SHANK2: variants seen among roughly 807,000 people sequenced by gnomAD.
SHANK2 encodes SH3 and multiple ankyrin repeat domains protein 2.
Under a neutral mutation model 133.7 loss-of-function variants are expected in SHANK2, and 43 were observed. That is an observed-to-expected ratio of 0.32 (90% CI 0.25 to 0.41). The LOEUF (loss-of-function observed/expected upper bound fraction) is 0.41, where lower values mean the gene tolerates loss of function less well. Ranked by LOEUF, SHANK2 falls within the 10% of genes least tolerant of loss-of-function variation. The pLI is 1.00. For synonymous variants in SHANK2, 1,017 were observed against 952.8 expected (o/e 1.07, Z -1.24); for missense variants, 1,994 against 2,235.8 (o/e 0.89, Z 2.18).
intron 15 of SHANK2, among the ~76,000 whole-genome samples, chr11:70,675,238 A>G (rs1555016941): frequency 6.6e-6 from 1 of 152,226 alleles, no homozygotes. Context: ...CTTAATGAGT[A>G]ATAATTCATA....
intron 17 of SHANK2, among the ~76,000 whole-genome samples, chr11:70,558,536 T>C (rs548780673): frequency 3.6e-4 from 55 of 152,302 alleles, no homozygotes; most frequent in African/African-American, 1.3e-3. Flanking sequence ...CTTAGACAAG[T>C]GGCTTACCTC....
At chr11:71,242,471 C>T (rs1954907423) in intron 1 of SHANK2, among the ~76,000 whole-genome samples, 1 of 152,184 alleles carries the variant, frequency 6.6e-6, no homozygotes, top group Admixed American at 6.5e-5. Context: ...TCCTGTATCA[C>T]ACACCGCTTC....
chr11:70,647,375 AC>A (rs1453359722), intron 17 of SHANK2: 1 of 152,030 alleles, frequency 6.6e-6, no homozygotes, highest in Non-Finnish European at 1.5e-5. Flanking sequence ...GTTGGGCAAG[AC>A]CCCGCCTCCC....
Position 71,111,584 on chromosome 11 carries a change from C to T in SHANK2, c.484-1535G>A, listed in dbSNP as rs558224480. Among the ~76,000 whole-genome samples, 6 of 152,284 alleles carry T rather than the reference C, an allele frequency of 3.9e-5. No individual in the cohort carries two copies. In the East Asian group the frequency reaches 9.6e-4, roughly 24 times the overall value. On this transcript the variant is annotated intron_variant, in intron 5 of 25. Transcript: ENST00000601538. ...CTCCTCACCAGCCTAATTCTTTGCCCCTACTCCGTACCTCTCTCAAAACAC... is the reference window on the plus strand; with the variant it reads ...CTCCTCACCAGCCTAATTCTTTGCCTCTACTCCGTACCTCTCTCAAAACAC...
At chr11:70,665,040 G>A (rs1436268975) in intron 15 of SHANK2, among the ~76,000 whole-genome samples, 7 of 152,146 alleles carry the variant, frequency 4.6e-5, no homozygotes, top group African/African-American at 9.7e-5. Flanking sequence ...GTCTGCACAC[G>A]CCACCCTCTC....
At chr11:70,829,828 C>T (rs185145125) in intron 11 of SHANK2, among the ~76,000 whole-genome samples, 12 of 152,310 alleles carry the variant, frequency 7.9e-5, no homozygotes, top group South Asian at 2.1e-4. Flanking sequence ...ACTGAGTGCC[C>T]GGTCCTGGGC....
rs1420221179 is a variant in SHANK2, at chr11:70,697,138, GCAGA to G, written c.1853+1546_1853+1549del. Among the ~76,000 whole-genome samples the G allele has an allele frequency of 2.0e-5, 3 of 152,246 alleles. No homozygotes were observed. In the South Asian group the frequency reaches 6.2e-4, roughly 31 times the overall value. ...GGTAGAGTGGGGAGTTTGCATTAAT[GCAGA>G]CAGAGTTCCAACTTTGCAAGACAAA... On this transcript the variant is annotated intron_variant, in intron 15 of 25. Coordinates refer to ENST00000601538, the MANE Select transcript of SHANK2 (RefSeq NM_012309.5).
chr11:70,837,401 T>C (rs561324582), intron 11 of SHANK2, among the ~76,000 whole-genome samples: 23 of 152,314 alleles, frequency 1.5e-4, no homozygotes, highest in African/African-American at 5.3e-4. Flanking sequence ...GCTCTCCCCA[T>C]GTCTGGCTGC....
intron 2 of SHANK2, among the ~76,000 whole-genome samples, chr11:71,214,869 G>A (rs1160896193): frequency 2.0e-5 from 3 of 152,244 alleles, no homozygotes; most frequent in Non-Finnish European, 4.4e-5. Context: ...AGGCCTGGGG[G>A]TGGCCACAGC....
At chr11:70,793,840 T>C (rs1213547786) in intron 14 of SHANK2, among the ~76,000 whole-genome samples, 1 of 152,354 alleles carries the variant, frequency 6.6e-6, no homozygotes, top group East Asian at 1.9e-4. Context: ...TAAAAATGTA[T>C]GTCCTTAAAA....
In SHANK2 at chr11:70,500,820, AC is replaced by A. The variant is rs1477847020; in HGVS notation, c.2288-231del. The A allele has an allele frequency of 8.3e-6, 6 of 719,920 alleles. No homozygotes were observed. In the African/African-American group the frequency reaches 1.1e-4, roughly 13 times the overall value. The allele number at this position is 719,920 out of a possible 1,614,324, so 44.6% of individuals were successfully genotyped here. A position where few individuals can be genotyped will look rare whatever the true frequency, so the allele number is the denominator to read the frequency against. ...TCTGTCCTGTCTGCCCTGCTCGTTA[AC>A]CTACTGCCTGGCAGTGGAAAGGGGC... On this transcript the variant is annotated intron_variant, in intron 20 of 25. Coordinates refer to ENST00000601538, the MANE Select transcript of SHANK2 (RefSeq NM_012309.5). This position sits in a 1 kb window ranked among gnomAD's most constrained non-coding sequence, Gnocchi z 4.5.
chr11:70,582,244 G>T (rs2060193774), intron 17 of SHANK2, among the ~76,000 whole-genome samples: 1 of 152,242 alleles, frequency 6.6e-6, no homozygotes, highest in African/African-American at 2.4e-5. Context: ...CCTGGCATTG[G>T]CACCAGCTGA....
At chr11:70,764,598 T>TATCCATCC (rs149208360) in intron 14 of SHANK2, among the ~76,000 whole-genome samples, 1 of 136,884 alleles carries the variant, frequency 7.3e-6, no homozygotes, top group South Asian at 2.7e-4. Flanking sequence ...TGCATCCACA[T>TATCCATCC]ATCCATCCAT....
intron 15 of SHANK2, among the ~76,000 whole-genome samples, chr11:70,683,783 C>CT (rs1555018902): frequency 6.8e-6 from 1 of 148,140 alleles, no homozygotes; most frequent in African/African-American, 2.6e-5. Context: ...TCATGATCTC[C>CT]TTTTTGTTTT....
intron 8 of SHANK2, among the ~76,000 whole-genome samples, chr11:71,079,000 C>A (rs997681252): frequency 6.6e-6 from 1 of 152,168 alleles, no homozygotes; most frequent in African/African-American, 2.4e-5. Flanking sequence ...TGGGCTAAGC[C>A]CCCATTTTTG....
intron 17 of SHANK2, among the ~76,000 whole-genome samples, chr11:70,611,862 C>T (rs1373088920): frequency 3.4e-5 from 5 of 148,372 alleles, no homozygotes; most frequent in Admixed American, 2.1e-4. Context: ...AGAAAAAAGG[C>T]AATTTTCAGT....
intron 2 of SHANK2, among the ~76,000 whole-genome samples, chr11:71,157,185 A>C (rs1952923460): frequency 6.6e-6 from 1 of 152,238 alleles, no homozygotes; most frequent in South Asian, 2.1e-4. Context: ...ATGGTTCTCT[A>C]TCTAAAAGAA....
rs74236606 is a variant in SHANK2, at chr11:70,592,097, C to T, written c.2061+67731G>A. ...ATAACAAGCAGAGGTGTGGAGACTA[C>T]ATTTAAACAGGGCATGCAGGAAGCC... On this transcript the variant is annotated intron_variant, in intron 17 of 25. Coordinates refer to ENST00000601538, the MANE Select transcript of SHANK2 (RefSeq NM_012309.5). Among the ~76,000 whole-genome samples, 17 of 152,136 alleles carry T rather than the reference C, an allele frequency of 1.1e-4. No homozygotes were observed. In the East Asian group the frequency reaches 3.3e-3, roughly 29 times the overall value.
intron 9 of SHANK2, among the ~76,000 whole-genome samples, chr11:71,067,553 T>C (rs1385812767): frequency 6.6e-6 from 1 of 152,196 alleles, no homozygotes; most frequent in Non-Finnish European, 1.5e-5. Context: ...CTAATCATAG[T>C]GTATTTTATT....
Sources: allele counts gnomAD v4.1 joint callset (sites outside exome capture counted in the v4.1 genomes callset), GRCh38; gene constraint gnomAD v4.1.1; non-coding constraint Gnocchi (gnomAD v3.1); transcripts MANE v1.5; gene names NCBI Gene and HGNC (gene_info 2026-07-23, HGNC 2026-07-21).